Variants in LY86 observed in about 807,000 individuals in gnomAD.
The protein encoded by LY86 is lymphocyte antigen 86.
Under a neutral mutation model 17.3 loss-of-function variants are expected in LY86, and 20 were observed. The observed-to-expected ratio is 1.15, with a 90% CI of 0.81 to 1.68. The LOEUF (loss-of-function observed/expected upper bound fraction) is 1.68, where lower values mean the gene tolerates loss of function less well. Among genes scored for constraint, LY86 ranks in the 40% most tolerant of loss-of-function variants. The pLI is 0.00. For synonymous variants in LY86, 74 were observed against 70.6 expected (o/e 1.05, Z -0.24); for missense variants, 200 against 191.9 (o/e 1.04, Z -0.25).
rs1382996667 is a variant in LY86 at position 6,606,652 on chromosome 6, C to T, written c.136+17782C>T. 3.9e-5 allele frequency among the ~76,000 whole-genome samples: 6 copies of T among 152,210 alleles called. No homozygotes were observed. The South Asian group carries it at 6.2e-4, about 16-fold the overall frequency. On this transcript the variant is annotated intron_variant, in intron 1 of 4. Coordinates refer to ENST00000230568, the MANE Select transcript of LY86 (RefSeq NM_004271.4). ...AGCTAAGGCCCGGCGAGAAATTGAGCACAGCAGCTACTGGCCCAGGTGCTA... is the reference window on the plus strand; with the variant it reads ...AGCTAAGGCCCGGCGAGAAATTGAGTACAGCAGCTACTGGCCCAGGTGCTA...
intron 1 of LY86, among the ~76,000 whole-genome samples, chr6:6,602,810 C>A (rs1183691846): frequency 6.6e-6 from 1 of 152,190 alleles, no homozygotes; most frequent in East Asian, 1.9e-4. Context: ...AGCACTCCGA[C>A]TTAACTGTGT....
At chr6:6,619,352 A>G (rs1761622634) in intron 1 of LY86, among the ~76,000 whole-genome samples, 2 of 152,178 alleles carry the variant, frequency 1.3e-5, no homozygotes, top group Non-Finnish European at 1.5e-5. Flanking sequence ...GTTCAACCAC[A>G]CTCAGACACT....
At chr6:6,606,188 G>C (rs1581236603) in intron 1 of LY86, among the ~76,000 whole-genome samples, 1 of 152,140 alleles carries the variant, frequency 6.6e-6, no homozygotes, top group Non-Finnish European at 1.5e-5. Context: ...CCCTGAGCTA[G>C]ACACAAAGGC....
At chr6:6,623,028 A>G (rs1761714474) in intron 1 of LY86, among the ~76,000 whole-genome samples, 1 of 152,202 alleles carries the variant, frequency 6.6e-6, no homozygotes, top group Admixed American at 6.5e-5. Flanking sequence ...TATTTTCGTA[A>G]CAGTAAAATG....
intron 1 of LY86, among the ~76,000 whole-genome samples, chr6:6,619,262 G>A (rs75630133): frequency 2.0e-5 from 3 of 152,194 alleles, no homozygotes; most frequent in Non-Finnish European, 4.4e-5. Flanking sequence ...AGCAAGGTCT[G>A]TTTGTTATTT....
chr6:6,636,904 A>C (rs1761967479), intron 3 of LY86, among the ~76,000 whole-genome samples: 1 of 146,258 alleles, frequency 6.8e-6, no homozygotes, highest in South Asian at 2.2e-4. Flanking sequence ...AAAAAAAAAA[A>C]AACAGAACTA....
chr6:6,652,794 C>T (rs1389432700), intron 4 of LY86, among the ~76,000 whole-genome samples: 1 of 152,198 alleles, frequency 6.6e-6, no homozygotes, highest in East Asian at 1.9e-4. Flanking sequence ...ATTCTTATCT[C>T]TTATACCAGA....
intron 3 of LY86, among the ~76,000 whole-genome samples, chr6:6,645,496 G>C (rs1016636383): frequency 1.3e-5 from 2 of 152,090 alleles, no homozygotes; most frequent in African/African-American, 4.8e-5. Context: ...GTGAGTCAGA[G>C]AGCTGGGTCT....
At chr6:6,605,922 C>T (rs565310482) in intron 1 of LY86, among the ~76,000 whole-genome samples, 15 of 152,274 alleles carry the variant, frequency 9.9e-5, no homozygotes, top group African/African-American at 2.9e-4. Flanking sequence ...AATGAAGCTG[C>T]AGACCTTCAC....
intron 1 of LY86, among the ~76,000 whole-genome samples, chr6:6,604,953 T>C (rs1761052384): frequency 6.6e-6 from 1 of 151,942 alleles, no homozygotes; most frequent in African/African-American, 2.4e-5. Context: ...ACGTAGAACC[T>C]AGAATTCTAT....
At chr6:6,638,861 A>T (rs574400858) in intron 3 of LY86, among the ~76,000 whole-genome samples, 2 of 125,832 alleles carry the variant, frequency 1.6e-5, no homozygotes, top group South Asian at 5.0e-4. Flanking sequence ...TCCTGTGTCC[A>T]TGTGTTCTCA....
chr6:6,612,345 T>C (rs1299538064), intron 1 of LY86, among the ~76,000 whole-genome samples: 1 of 152,246 alleles, frequency 6.6e-6, no homozygotes, highest in Non-Finnish European at 1.5e-5. Flanking sequence ...CAGTAAGCAT[T>C]ACACTTCTTA....
At chr6:6,652,976 G>A (rs1004543888) in intron 4 of LY86, among the ~76,000 whole-genome samples, 1 of 152,208 alleles carries the variant, frequency 6.6e-6, no homozygotes, top group African/African-American at 2.4e-5. Context: ...GGAAGAGAAC[G>A]ATGAAACACA....
At chr6:6,613,221 G>T (rs1486904159) in intron 1 of LY86, among the ~76,000 whole-genome samples, 2 of 145,248 alleles carry the variant, frequency 1.4e-5, no homozygotes, top group African/African-American at 2.6e-5. Flanking sequence ...TCACCCAGTG[G>T]ATCCGGCACT....
intron 1 of LY86, among the ~76,000 whole-genome samples, chr6:6,604,322 A>G (rs932456314): frequency 1.3e-5 from 2 of 152,244 alleles, no homozygotes; most frequent in African/African-American, 4.8e-5. Flanking sequence ...TACAGTATAT[A>G]AAATGTATAG....
At chr6:6,619,780 A>G (rs1218680193) in intron 1 of LY86, among the ~76,000 whole-genome samples, 1 of 152,190 alleles carries the variant, frequency 6.6e-6, no homozygotes, top group African/African-American at 2.4e-5. Context: ...TCTTAATCTC[A>G]GGATGGTAGC....
intron 1 of LY86, among the ~76,000 whole-genome samples, chr6:6,600,587 CAAAAAAAAAAAAAAAAAAAAAA>C (rs59560744): frequency 4.0e-4 from 33 of 82,448 alleles, no homozygotes; most frequent in South Asian, 8.4e-4. Context: ...GAGACTCCAT[CAAAAAAAAAAAAAAAAAAAAAA>C]AAAAAAAAAA....
chr6:6,603,122 C>G (rs531841874), intron 1 of LY86, among the ~76,000 whole-genome samples: 47 of 152,212 alleles, frequency 3.1e-4, no homozygotes, highest in African/African-American at 1.1e-3. Flanking sequence ...AACAAGCTCC[C>G]TCAGGCCTCT....
intron 1 of LY86, among the ~76,000 whole-genome samples, chr6:6,603,600 A>C (rs1285461338): frequency 9.3e-5 from 8 of 86,236 alleles, no homozygotes; most frequent in Non-Finnish European, 1.8e-4. Flanking sequence ...ACAAAAACAG[A>C]AACAGAAAAA....
Sources: gnomAD v4.1 joint callset for allele counts (sites outside exome capture counted in the v4.1 genomes callset) on GRCh38, gnomAD v4.1.1 for gene constraint, MANE v1.5 for transcripts, NCBI Gene and HGNC (gene_info 2026-07-23, HGNC 2026-07-21) for gene names.